Variants in SLC35F4 observed in about 807,000 individuals in gnomAD.
SLC35F4 encodes the protein chromosome 14 open reading frame 36.
SLC35F4 carries 24 observed loss-of-function variants against 44.2 expected under a neutral mutation model. The observed-to-expected ratio is 0.54, with a 90% CI of 0.39 to 0.76. The LOEUF is 0.76. Ranked by LOEUF, SLC35F4 falls within the 30% of genes least tolerant of loss-of-function variation. The probability of loss-of-function intolerance (pLI) is 0.00; values close to 1 mark genes in which losing one functional copy is unlikely to be tolerated. For missense variants in SLC35F4, 562 were observed against 586.1 expected, an observed-to-expected ratio of 0.96 and a Z score of 0.42; for synonymous variants, 238 against 223.6, an observed-to-expected ratio of 1.06 and a Z score of -0.57.
chr14:57,613,447 A>G (rs778634365), intron 1 of SLC35F4, among the ~76,000 whole-genome samples: 2 of 152,134 alleles, frequency 1.3e-5, no homozygotes, highest in Non-Finnish European at 1.5e-5. Flanking sequence ...TCCTCCCCCA[A>G]CAATGGGTCA....
At chr14:57,714,728 T>C (rs945458607) in intron 1 of SLC35F4, among the ~76,000 whole-genome samples, 5 of 152,140 alleles carry the variant, frequency 3.3e-5, no homozygotes, top group African/African-American at 9.7e-5. Context: ...GTGGGGAATG[T>C]GACACCTAAT....
Position 57,711,383 on chromosome 14 carries a change from G to A in SLC35F4, c.104-117259C>T, listed in dbSNP as rs137888993. On this transcript the variant is annotated intron_variant, in intron 1 of 7. Transcript: ENST00000556826. The stretch of plus-strand genomic sequence containing the variant: ...GTCTCGGGTATTTCTTCACAGCAGC[G>A]TGAGAATGGACTGATACACATGGGA... 1.6e-4 allele frequency among the ~76,000 whole-genome samples: 24 copies of A among 152,126 alleles called. No individual in the cohort carries two copies. The East Asian group carries it at 1.9e-3, about 12-fold the overall frequency.
intron 1 of SLC35F4, among the ~76,000 whole-genome samples, chr14:57,702,306 A>G (rs1399995600): frequency 1.4e-5 from 2 of 146,942 alleles, no homozygotes; most frequent in African/African-American, 5.1e-5. Flanking sequence ...GTAATGCACT[A>G]TGCCCAAATA....
chr14:57,635,623 T>C (rs987273831), intron 1 of SLC35F4, among the ~76,000 whole-genome samples: 1 of 151,884 alleles, frequency 6.6e-6, no homozygotes, highest in African/African-American at 2.4e-5. Flanking sequence ...AGATTTGAGG[T>C]TGAGATGAAG....
intron 1 of SLC35F4, among the ~76,000 whole-genome samples, chr14:57,824,514 T>A (rs1883518278): frequency 1.3e-5 from 2 of 152,208 alleles, no homozygotes; most frequent in African/African-American, 4.8e-5. Flanking sequence ...ACATGTAATA[T>A]GTTTGATGAT....
intron 1 of SLC35F4, chr14:57,630,734 T>A: frequency 1.9e-6 from 1 of 528,158 alleles, no homozygotes; most frequent in Non-Finnish European, 3.4e-6. Flanking sequence ...ATTCACTTAT[T>A]CATAGTTTGG....
Position 57,636,279 on chromosome 14 carries a change from A to C in SLC35F4, c.104-42155T>G, listed in dbSNP as rs1048412515. On this transcript the variant is annotated intron_variant, in intron 1 of 7. Transcript: ENST00000556826. ...TTTCAGTACGTTGGATTTGATTACT[A>C]AACATGTAGACCTTACTAACATGCT... is the stretch of plus-strand genomic sequence containing the variant. Among the ~76,000 whole-genome samples, 7 of 152,102 alleles carry C rather than the reference A, an allele frequency of 4.6e-5. No homozygotes were observed. In the South Asian group the frequency reaches 1.2e-3, roughly 27 times the overall value.
At chr14:57,568,229 G>A (rs1178247758) in intron 6 of SLC35F4, among the ~76,000 whole-genome samples, 1 of 152,226 alleles carries the variant, frequency 6.6e-6, no homozygotes, top group Non-Finnish European at 1.5e-5. Flanking sequence ...ATACTGCTTG[G>A]TGGCGAATGC....
At position 57,708,768 on chromosome 14, in the gene SLC35F4, T is replaced by C. The variant is rs145203375; in HGVS notation, c.104-114644A>G. 2.6e-3 allele frequency among the ~76,000 whole-genome samples: 399 copies of C among 152,130 alleles called. 4 individuals are homozygous for C. The highest frequency in any genetic ancestry group is 8.9e-3 in the African/African-American group (368 of 41,496). The stretch of plus-strand genomic sequence containing the variant: ...AGACCAGTAGTGGTCCCGAATGCCA[T>C]GCTGCGCTGATATTTATTGGATACA... On this transcript the variant is annotated intron_variant, in intron 1 of 7. Coordinates refer to ENST00000556826, the MANE Select transcript of SLC35F4 (RefSeq NM_001306087.2).
intron 1 of SLC35F4, among the ~76,000 whole-genome samples, chr14:57,893,613 A>C (rs951792386): frequency 7.9e-5 from 12 of 152,154 alleles, no homozygotes; most frequent in Non-Finnish European, 1.6e-4. Flanking sequence ...TGGGCAACTC[A>C]GTTTAAGCTC....
intron 1 of SLC35F4, among the ~76,000 whole-genome samples, chr14:57,872,480 C>T (rs1410842791): frequency 6.6e-6 from 1 of 152,084 alleles, no homozygotes; most frequent in African/African-American, 2.4e-5. Context: ...TTGCAGTGAC[C>T]ACCCTGTATG....
At chr14:57,880,276 A>G (rs1888505826) in intron 1 of SLC35F4, among the ~76,000 whole-genome samples, 1 of 152,222 alleles carries the variant, frequency 6.6e-6, no homozygotes, top group Non-Finnish European at 1.5e-5. Context: ...AGAACTCAGT[A>G]AATGTAAAAT....
At chr14:57,906,080 G>T (rs1048916561) in intron 1 of SLC35F4, among the ~76,000 whole-genome samples, 1 of 152,172 alleles carries the variant, frequency 6.6e-6, no homozygotes, top group African/African-American at 2.4e-5. Context: ...TGAGGACAGT[G>T]TGCATCCCCC....
chr14:57,797,536 T>A (rs556370423), intron 1 of SLC35F4, among the ~76,000 whole-genome samples: 36 of 152,304 alleles, frequency 2.4e-4, no homozygotes, highest in African/African-American at 8.4e-4. Flanking sequence ...ATCTGTAAAA[T>A]AATAGAATTA....
intron 1 of SLC35F4, among the ~76,000 whole-genome samples, chr14:57,664,095 A>T (rs767554452): frequency 4.6e-5 from 7 of 152,174 alleles, no homozygotes; most frequent in Non-Finnish European, 1.0e-4. Context: ...AACTAATAGG[A>T]CAATGAGGAC....
At chr14:57,891,659 C>T (rs929485530) in intron 1 of SLC35F4, among the ~76,000 whole-genome samples, 11 of 152,066 alleles carry the variant, frequency 7.2e-5, no homozygotes, top group African/African-American at 1.9e-4. Flanking sequence ...AGGCATATCA[C>T]GAGATCAGGA....
chr14:57,632,584 A>T (rs137949421), intron 1 of SLC35F4, among the ~76,000 whole-genome samples: 1 of 151,968 alleles, frequency 6.6e-6, no homozygotes, highest in African/African-American at 2.4e-5. Flanking sequence ...AGCCTCCCCC[A>T]TTATCAACAT....
At chr14:57,887,276 A>G (rs1440287741) in intron 1 of SLC35F4, among the ~76,000 whole-genome samples, 2 of 152,216 alleles carry the variant, frequency 1.3e-5, no homozygotes, top group African/African-American at 4.8e-5. Context: ...CTTCAAGTAC[A>G]GTAGAGGAGG....
chr14:57,721,366 G>A (rs770064942), intron 1 of SLC35F4, among the ~76,000 whole-genome samples: 50 of 152,230 alleles, frequency 3.3e-4, no homozygotes, highest in Non-Finnish European at 6.6e-4. Context: ...ATGTGGAGAA[G>A]CAAGGAACAT....
Sources: allele counts gnomAD v4.1 joint callset (sites outside exome capture counted in the v4.1 genomes callset), GRCh38; gene constraint gnomAD v4.1.1; transcripts MANE v1.5; gene names NCBI Gene and HGNC (gene_info 2026-07-23, HGNC 2026-07-21).